ZCCHC24: variants seen among roughly 807,000 people sequenced by gnomAD.
ZCCHC24 encodes the protein zinc finger CCHC domain-containing protein 24.
Under a neutral mutation model 26.2 loss-of-function variants are expected in ZCCHC24, and 10 were observed. That is an observed-to-expected ratio of 0.38 (90% CI 0.24 to 0.65). The LOEUF (loss-of-function observed/expected upper bound fraction) is 0.65. Ranked by LOEUF, ZCCHC24 falls within the 30% of genes least tolerant of loss-of-function variation. The probability of loss-of-function intolerance (pLI) is 0.54; values close to 1 mark genes in which losing one functional copy is unlikely to be tolerated. For synonymous variants in ZCCHC24, 144 were observed against 147.1 expected (o/e 0.98, Z 0.15); for missense variants, 243 against 329.1 (o/e 0.74, Z 2.03).
At chr10:79,435,556 C>G (rs577073559) in intron 1 of ZCCHC24, among the ~76,000 whole-genome samples, 2 of 152,358 alleles carry the variant, frequency 1.3e-5, no homozygotes, top group East Asian at 3.9e-4. Flanking sequence ...CTTCCCACCT[C>G]TAGTGCCCTC....
chr10:79,399,272 G>A (rs1469560267), intron 2 of ZCCHC24, among the ~76,000 whole-genome samples: 1 of 152,176 alleles, frequency 6.6e-6, no homozygotes, highest in African/African-American at 2.4e-5. Context: ...AGGGGAGAAG[G>A]AATTTCTAAC....
chr10:79,442,055 T>C (rs1278764932), intron 1 of ZCCHC24, among the ~76,000 whole-genome samples: 1 of 152,178 alleles, frequency 6.6e-6, no homozygotes, highest in Non-Finnish European at 1.5e-5. Flanking sequence ...GCCCAGCCCC[T>C]ACTCCATCTA....
intron 3 of ZCCHC24, among the ~76,000 whole-genome samples, chr10:79,386,695 G>A (rs533323812): frequency 2.0e-5 from 3 of 152,174 alleles, no homozygotes; most frequent in African/African-American, 7.2e-5. Context: ...TTTCAGCCAC[G>A]GTGCCGGGGC....
intron 2 of ZCCHC24, among the ~76,000 whole-genome samples, chr10:79,412,412 C>T (rs1386022430): frequency 6.6e-6 from 1 of 152,248 alleles, no homozygotes; most frequent in African/African-American, 2.4e-5. Context: ...CACCCTCGCC[C>T]CTTGGCAGCC....
At chr10:79,391,710 C>T (rs976115307) in intron 3 of ZCCHC24, among the ~76,000 whole-genome samples, 1 of 151,932 alleles carries the variant, frequency 6.6e-6, no homozygotes, top group Non-Finnish European at 1.5e-5. Flanking sequence ...TCCAAGCTAT[C>T]CTCCGGGCCC....
In ZCCHC24 at chr10:79,399,660, C is replaced by T. The variant is rs182039400; in HGVS notation, c.448-5220G>A. ...TGACTTCCAGAGTGAGGCTGGGATCCTCACACGAGGGCAGCCTGGGAAGTG... is the reference window on the plus strand; with the variant it reads ...TGACTTCCAGAGTGAGGCTGGGATCTTCACACGAGGGCAGCCTGGGAAGTG... On this transcript the variant is annotated intron_variant, in intron 2 of 3. Coordinates refer to ENST00000372336, the MANE Select transcript of ZCCHC24 (RefSeq NM_153367.4). 2.1e-3 allele frequency among the ~76,000 whole-genome samples: 313 copies of T among 152,282 alleles called. No homozygotes were observed. In the Middle Eastern group the frequency reaches 0.031, roughly 15 times the overall value.
chr10:79,435,714 G>T (rs1441276441), intron 1 of ZCCHC24, among the ~76,000 whole-genome samples: 1 of 152,254 alleles, frequency 6.6e-6, no homozygotes, highest in African/African-American at 2.4e-5. Context: ...GGGGCACAGG[G>T]ACGCAGACCA....
At position 79,388,245 on chromosome 10, in the gene ZCCHC24, G is replaced by A. The variant is rs149326529; in HGVS notation, c.613-1787C>T. Among the ~76,000 whole-genome samples the A allele has an allele frequency of 8.2e-3, 1,245 of 152,230 alleles. 8 individuals carry two copies. Among genetic ancestry groups the A allele is most frequent in the African/African-American group, 0.028 (1,175 of 41,526 alleles). ...GCCCGGCATGCAGAAGCTGTCTGTC[G>A]TTTGTCTTATCGGTGGGAGGGGGAC... On this transcript the variant is annotated intron_variant, in intron 3 of 3. Coordinates refer to ENST00000372336, the MANE Select transcript of ZCCHC24 (RefSeq NM_153367.4).
chr10:79,427,617 TAAA>T (rs34777821), intron 2 of ZCCHC24, among the ~76,000 whole-genome samples: 2 of 147,614 alleles, frequency 1.4e-5, no homozygotes, highest in African/African-American at 4.9e-5. Context: ...ACAAGGGAAA[TAAA>T]AAAAAAAAAT....
chr10:79,404,816 C>A (rs968478334), intron 2 of ZCCHC24, among the ~76,000 whole-genome samples: 7 of 152,192 alleles, frequency 4.6e-5, no homozygotes, highest in Non-Finnish European at 2.9e-5. Flanking sequence ...CCCCTTCTGG[C>A]CCCAGCTGAC....
In ZCCHC24 at chr10:79,383,643, TTA is replaced by T. The variant is rs1491324071; in HGVS notation, c.*2700_*2701del. 1 of 151,514 alleles carries T rather than the reference TTA, an allele frequency of 6.6e-6. No homozygotes were observed. Among genetic ancestry groups the T allele is most frequent in the African/African-American group, 2.4e-5 (1 of 41,088 alleles). The allele number at this position is 151,514 out of a possible 1,614,324, so 9.4% of individuals were successfully genotyped here. On this transcript the variant is annotated 3_prime_UTR_variant, in exon 4 of 4. Transcript: ENST00000372336. ...ATATTTTTCTTTTCTTTTTTTTTTTTTAAAAAAAGGCCCTCAAATATATACAG... is the reference window on the plus strand; with the variant it reads ...ATATTTTTCTTTTCTTTTTTTTTTTTAAAAAAGGCCCTCAAATATATACAG...
intron 1 of ZCCHC24, among the ~76,000 whole-genome samples, chr10:79,442,889 G>T (rs1362000998): frequency 6.6e-6 from 1 of 152,156 alleles, no homozygotes; most frequent in Non-Finnish European, 1.5e-5. Context: ...GGTGGGGGGT[G>T]AGGATGAGTG....
At chr10:79,423,054 C>T (rs1856969168) in intron 2 of ZCCHC24, among the ~76,000 whole-genome samples, 1 of 152,174 alleles carries the variant, frequency 6.6e-6, no homozygotes. Context: ...AGGATCCTTA[C>T]TGTGGGCATG....
At position 79,386,253 on chromosome 10, in the gene ZCCHC24, A is replaced by C. The variant is rs1327183464; in HGVS notation, c.*92T>G. The C allele has an allele frequency of 1.6e-6, 2 of 1,251,396 alleles. No homozygotes were observed. Among genetic ancestry groups the C allele is most frequent in the Non-Finnish European group, 2.3e-6 (2 of 873,250 alleles). The allele number at this position is 1,251,396 out of a possible 1,614,324, so 77.5% of individuals were successfully genotyped here. ...GCAGGCCTGCGAGGGCACCCCATGCACAGGGCGACACGCAGCCCCTCGGAG... is the reference window on the plus strand; with the variant it reads ...GCAGGCCTGCGAGGGCACCCCATGCCCAGGGCGACACGCAGCCCCTCGGAG... On this transcript the variant is annotated 3_prime_UTR_variant, in exon 4 of 4. Coordinates refer to ENST00000372336, the MANE Select transcript of ZCCHC24 (RefSeq NM_153367.4).
At chr10:79,425,235 C>A (rs117595717) in intron 2 of ZCCHC24, among the ~76,000 whole-genome samples, 3,302 of 152,328 alleles carry the variant, frequency 0.022, 70 homozygotes, top group Non-Finnish European at 0.033. Flanking sequence ...AGATACCAGG[C>A]GACCCTGCAG....
At position 79,411,975 on chromosome 10, in the gene ZCCHC24, C is replaced by T. The variant is rs116697473; in HGVS notation, c.448-17535G>A. On this transcript the variant is annotated intron_variant, in intron 2 of 3. Coordinates refer to ENST00000372336, the MANE Select transcript of ZCCHC24 (RefSeq NM_153367.4). ...CAGAGCCCTGGCTGTCTCTCCTGCC[C>T]TTCCCTGGCTCCCAGAAGCCCAGAA... Among the ~76,000 whole-genome samples the T allele has an allele frequency of 4.8e-3, 729 of 152,308 alleles. 3 individuals carry two copies. Among genetic ancestry groups the T allele is most frequent in the African/African-American group, 0.017 (699 of 41,574 alleles).
intron 3 of ZCCHC24, among the ~76,000 whole-genome samples, chr10:79,392,224 G>A (rs1856488894): frequency 6.6e-6 from 1 of 152,134 alleles, no homozygotes; most frequent in Non-Finnish European, 1.5e-5. Context: ...CACCTGCCAG[G>A]CGAGCTGTGC....
intron 1 of ZCCHC24, among the ~76,000 whole-genome samples, chr10:79,443,409 G>C (rs940961681): frequency 6.6e-6 from 1 of 152,198 alleles, no homozygotes; most frequent in African/African-American, 2.4e-5. Context: ...GGGAGCAGAG[G>C]GAGGCTAGAA....
At chr10:79,390,199 C>T (rs1856460354) in intron 3 of ZCCHC24, among the ~76,000 whole-genome samples, 1 of 152,142 alleles carries the variant, frequency 6.6e-6, no homozygotes, top group Non-Finnish European at 1.5e-5. Flanking sequence ...TATTTTATAA[C>T]CATAAAAAGC....
Sources: gnomAD v4.1 joint callset for allele counts (sites outside exome capture counted in the v4.1 genomes callset) on GRCh38, gnomAD v4.1.1 for gene constraint, MANE v1.5 for transcripts, NCBI Gene and HGNC (gene_info 2026-07-23, HGNC 2026-07-21) for gene names.